Variants in DLGAP1 observed in about 807,000 individuals in gnomAD.
DLGAP1 encodes the protein DLG associated protein 1.
A neutral mutation model predicts 90.8 loss-of-function variants in DLGAP1; 11 were observed. The observed-to-expected ratio is 0.12, with a 90% CI of 0.08 to 0.20. DLGAP1 has a LOEUF of 0.20. DLGAP1 is among the 10% of genes least tolerant of loss of function. DLGAP1 has a pLI of 1.00. For synonymous variants in DLGAP1, 558 were observed against 540.7 expected (o/e 1.03, Z -0.44); for missense variants, 1,050 against 1,333.8 (o/e 0.79, Z 3.31).
chr18:4,012,847 C>A (rs746491751), intron 2 of DLGAP1, among the ~76,000 whole-genome samples: 2 of 151,844 alleles, frequency 1.3e-5, no homozygotes, highest in Admixed American at 6.6e-5. Flanking sequence ...CACAGGCATG[C>A]GCCACCATGG....
At chr18:3,508,492 C>G in intron 11 of DLGAP1, 78 bp downstream of exon 11, 1 of 1,033,572 alleles carries the variant, frequency 9.7e-7, no homozygotes, top group Non-Finnish European at 1.4e-6. Context: ...ATCAGTTTTA[C>G]TTTAGTTGGG....
chr18:4,014,304 C>T (rs1027148143), intron 2 of DLGAP1, among the ~76,000 whole-genome samples: 4 of 152,002 alleles, frequency 2.6e-5, no homozygotes, highest in African/African-American at 7.3e-5. Flanking sequence ...CAGATGGTCT[C>T]GATCTCTTGA....
At chr18:3,970,106 G>T (rs1053782051) in intron 3 of DLGAP1, among the ~76,000 whole-genome samples, 2 of 152,118 alleles carry the variant, frequency 1.3e-5, no homozygotes. Flanking sequence ...TGAAGCAAAC[G>T]TATTACAAAA....
At chr18:4,036,549 C>T (rs548049194) in intron 2 of DLGAP1, among the ~76,000 whole-genome samples, 1 of 152,326 alleles carries the variant, frequency 6.6e-6, no homozygotes, top group South Asian at 2.1e-4. Context: ...TGGGATGTCA[C>T]TTCACAGATT....
Position 3,525,684 on chromosome 18 carries a change from C to T in DLGAP1, c.2479+8510G>A, listed in dbSNP as rs144871481. 1.4e-3 allele frequency among the ~76,000 whole-genome samples: 220 copies of T among 152,360 alleles called. 1 individual carries two copies. The highest frequency in any genetic ancestry group is 5.1e-3 in the African/African-American group (214 of 41,582). On this transcript the variant is annotated intron_variant, in intron 10 of 12. Transcript: ENST00000315677. ...AAAGTGCTGGGATTATAGGCATGAG[C>T]CACTGCGCCCCACCAGTCCATTGCA...
chr18:3,717,308 T>A (rs68054361), intron 7 of DLGAP1, among the ~76,000 whole-genome samples: 2 of 151,804 alleles, frequency 1.3e-5, no homozygotes, highest in Non-Finnish European at 2.9e-5. Flanking sequence ...AGTACCAAGG[T>A]TGTATTAGCC....
chr18:4,454,500 A>G lies in DLGAP1; in HGVS notation c.-267+506T>C, dbSNP rs1384804439. Among the ~76,000 whole-genome samples, 10 of 151,896 alleles carry G rather than the reference A, an allele frequency of 6.6e-5. No individual in the cohort carries two copies. The highest frequency in any genetic ancestry group is 1.9e-4 in the African/African-American group (8 of 41,362). On this transcript the variant is annotated intron_variant, in intron 1 of 12. Transcript: ENST00000315677. The surrounding 1 kb of genome is among the most constrained non-coding windows in gnomAD (Gnocchi z 4.7). ...ACGGGGGAGTTGGTCCTTTTCCACA[A>G]TGCCAAAATGTCACCCAAAAAGCTA...
At chr18:4,149,213 T>A (rs1352833942) in intron 2 of DLGAP1, among the ~76,000 whole-genome samples, 2 of 152,222 alleles carry the variant, frequency 1.3e-5, no homozygotes, top group African/African-American at 4.8e-5. Flanking sequence ...TCTCATATAA[T>A]GTCTCAAATA....
At chr18:4,136,251 A>G (rs2076399573) in intron 2 of DLGAP1, among the ~76,000 whole-genome samples, 1 of 152,120 alleles carries the variant, frequency 6.6e-6, no homozygotes, top group Non-Finnish European at 1.5e-5. Flanking sequence ...TTTCTTTTGG[A>G]TATATACCTA....
chr18:3,637,814 A>G (rs2146270859), intron 7 of DLGAP1, among the ~76,000 whole-genome samples: 1 of 152,014 alleles, frequency 6.6e-6, no homozygotes, highest in African/African-American at 2.4e-5. Context: ...TTTTGTTAAA[A>G]CTTATCCAAT....
intron 7 of DLGAP1, among the ~76,000 whole-genome samples, chr18:3,716,853 G>A (rs1339743861): frequency 6.6e-6 from 1 of 151,768 alleles, no homozygotes; most frequent in Non-Finnish European, 1.5e-5. Context: ...TTGTGGCTGG[G>A]TGCAGTAGCT....
chr18:4,039,042 T>A (rs531917709), intron 2 of DLGAP1, among the ~76,000 whole-genome samples: 75 of 152,232 alleles, frequency 4.9e-4, no homozygotes, highest in Non-Finnish European at 8.8e-4. Context: ...AAAAAGAGGG[T>A]TAACTTGATC....
At chr18:4,260,531 G>T (rs1404518873) in intron 1 of DLGAP1, among the ~76,000 whole-genome samples, 1 of 152,122 alleles carries the variant, frequency 6.6e-6, no homozygotes, top group Non-Finnish European at 1.5e-5. Flanking sequence ...TCTTCTCACA[G>T]ATTCTTCAAG....
intron 9 of DLGAP1, among the ~76,000 whole-genome samples, chr18:3,541,207 T>C (rs1460859850): frequency 6.6e-6 from 1 of 151,872 alleles, no homozygotes; most frequent in African/African-American, 2.4e-5. Flanking sequence ...CACTAAGTTA[T>C]TTTGAAAAAT....
At chr18:4,331,704 A>G (rs1006510290) in intron 1 of DLGAP1, among the ~76,000 whole-genome samples, 1 of 151,948 alleles carries the variant, frequency 6.6e-6, no homozygotes, top group East Asian at 1.9e-4. Flanking sequence ...GGACCACCAC[A>G]CTTCGGTTCC....
At chr18:4,035,556 C>G (rs1195666672) in intron 2 of DLGAP1, among the ~76,000 whole-genome samples, 1 of 152,052 alleles carries the variant, frequency 6.6e-6, no homozygotes, top group Non-Finnish European at 1.5e-5. Flanking sequence ...TTATTTACTC[C>G]ACAGGAAAAA....
intron 3 of DLGAP1, among the ~76,000 whole-genome samples, chr18:3,963,583 G>GTTTTTTTTTTTTTTTT (rs35099419): frequency 8.5e-6 from 1 of 117,578 alleles, no homozygotes; most frequent in Non-Finnish European, 1.8e-5. Flanking sequence ...ACTTTGGGCT[G>GTTTTTTTTTTTTTTTT]TTTTTTTTTT....
rs5822780 is a variant in DLGAP1 at position 3,997,030 on chromosome 18, CTTT to C, written c.-73+8083_-73+8085del. Among the ~76,000 whole-genome samples the C allele has an allele frequency of 5.0e-3, 433 of 85,970 alleles. 120 individuals are homozygous for C. The highest frequency in any genetic ancestry group is 6.5e-3 in the Non-Finnish European group (297 of 45,586). The allele number at this position is 85,970 out of a possible 152,430, so 56.4% of individuals were successfully genotyped here. ...TTAGAAATATAAGTTGCAGAGTTTT[CTTT>C]TTTTTTTTTTTCATATTTTAAAATA... On this transcript the variant is annotated intron_variant, in intron 3 of 12. Coordinates refer to ENST00000315677, the MANE Select transcript of DLGAP1 (RefSeq NM_004746.4).
Position 4,350,410 on chromosome 18 carries a change from T to C in DLGAP1, c.-267+104596A>G, listed in dbSNP as rs1198151795. On this transcript the variant is annotated intron_variant, in intron 1 of 12. Transcript: ENST00000315677. Reference sequence around the variant, plus strand: ...AACTATCAAAATGTCTCTAGCTATATGAAGGTGCTAATGCAAAGCAATGCA... The same window carrying C: ...AACTATCAAAATGTCTCTAGCTATACGAAGGTGCTAATGCAAAGCAATGCA... 2.6e-5 allele frequency among the ~76,000 whole-genome samples: 4 copies of C among 152,314 alleles called. No homozygotes were observed. In the East Asian group the frequency reaches 5.8e-4, roughly 22 times the overall value.
Sources: allele counts gnomAD v4.1 joint callset (sites outside exome capture counted in the v4.1 genomes callset), GRCh38; gene constraint gnomAD v4.1.1; non-coding constraint Gnocchi (gnomAD v3.1); transcripts MANE v1.5; gene names NCBI Gene and HGNC (gene_info 2026-07-23, HGNC 2026-07-21).